The following DNAH10 variants were observed in gnomAD, a reference collection of about 807,000 sequenced individuals.
DNAH10 encodes the protein dynein axonemal heavy chain 10.
DNAH10 carries 348 observed loss-of-function variants against 506.6 expected under a neutral mutation model. The observed-to-expected ratio is 0.69, with a 90% confidence interval of 0.63 to 0.75. The LOEUF (loss-of-function observed/expected upper bound fraction) is 0.75, where lower values mean the gene tolerates loss of function less well. Ranked by LOEUF, DNAH10 falls within the 30% of genes least tolerant of loss-of-function variation. DNAH10 has a pLI of 0.00. For synonymous variants in DNAH10, 2,059 were observed against 2,198.6 expected (o/e 0.94, Z 1.78); for missense variants, 5,179 against 5,787.1 (o/e 0.89, Z 3.41).
At chr12:123,924,457 C>T (rs1415087215) in intron 67 of DNAH10, 25 bp downstream of exon 67, 1 of 1,604,284 alleles carries the variant, frequency 6.2e-7, no homozygotes, top group Non-Finnish European at 8.5e-7. Flanking sequence ...CCTTTCTCCT[C>T]CTCTCCTTCC....
chr12:123,899,168 C>T (rs974599344), intron 56 of DNAH10, among the ~76,000 whole-genome samples: 1 of 152,104 alleles, frequency 6.6e-6, no homozygotes, highest in African/African-American at 2.4e-5. Context: ...TTGGCACCAT[C>T]GACGCGGGAC....
At chr12:123,783,873 G>A (rs1009216569) in intron 7 of DNAH10, 74 bp from the exon 8 acceptor site, 1 of 1,372,536 alleles carries the variant, frequency 7.3e-7, no homozygotes. Flanking sequence ...AAGAACGGAT[G>A]CTGGAGAAAC....
chr12:123,870,604 A>G (rs1951991883), intron 44 of DNAH10, 119 bp downstream of exon 44: 1 of 1,396,668 alleles, frequency 7.2e-7, no homozygotes, highest in Non-Finnish European at 9.5e-7. Context: ...GAGAGCTGGT[A>G]GAGAAGAATT....
chr12:123,934,498 C>T (rs1403653105), intron 77 of DNAH10, 123 bp from the exon 78 acceptor site: 2 of 1,232,654 alleles, frequency 1.6e-6, no homozygotes, highest in Non-Finnish European at 2.3e-6. Flanking sequence ...TGGGCTGTCC[C>T]CAATGCGCTG....
At chr12:123,826,979 T>C in intron 25 of DNAH10, 81 bp downstream of exon 25, 1 of 1,299,648 alleles carries the variant, frequency 7.7e-7, no homozygotes. Context: ...TACATTATCT[T>C]TGGTCTGATG....
Position 123,799,303 on chromosome 12 carries a change from T to C in DNAH10, c.2221T>C (p.Tyr741His). The C allele has an allele frequency of 1.9e-6, 3 of 1,613,812 alleles. No individual in the cohort carries two copies. Among genetic ancestry groups the C allele is most frequent in the Non-Finnish European group, 1.7e-6 (2 of 1,179,866 alleles). ...RTMKEYEDRK[Y>H]EQWMEVTEQV... ...AATGAAGGAGTATGAAGACAGAAAG[T>C]ATGAGCAGTGGATGGAGGTGACGGA... Residue 741 changes from tyrosine (Y) to histidine (H), a missense_variant, in exon 14 of 79, where the codon TAT becomes CAT. This residue lies in a region of DNAH10 where 4,844 missense variants were observed against 5,430.5 expected (regional missense o/e 0.89). Coordinates refer to ENST00000673944, the MANE Select transcript of DNAH10 (RefSeq NM_001372106.1).
chr12:123,917,727 C>A lies in DNAH10; in HGVS notation c.11146C>A (p.Arg3716=). The part of the protein sequence containing the change: ...LLKDLEDSLL[R]ELATSTGNML... Reference sequence around the variant, plus strand: ...CAAGGACCTGGAAGATTCCCTCCTTCGGGAGCTGGCCACGTCCACGGGGAA... The same window carrying A: ...CAAGGACCTGGAAGATTCCCTCCTTAGGGAGCTGGCCACGTCCACGGGGAA... The change falls in exon 64 of 79, where the codon CGG becomes AGG. Residue 3716 remains arginine, a synonymous_variant. Coordinates refer to ENST00000673944, the MANE Select transcript of DNAH10 (RefSeq NM_001372106.1). The surrounding 1 kb of genome is among the most constrained non-coding windows in gnomAD (Gnocchi z 5.6). The A allele has an allele frequency of 6.4e-7, 1 of 1,566,566 alleles. No individual in the cohort carries two copies. Among genetic ancestry groups the A allele is most frequent in the Non-Finnish European group, 8.7e-7 (1 of 1,155,896 alleles).
At chr12:123,854,015 G>A (rs1011597952) in intron 36 of DNAH10, among the ~76,000 whole-genome samples, 4 of 149,374 alleles carry the variant, frequency 2.7e-5, no homozygotes, top group Admixed American at 6.7e-5. Flanking sequence ...TGTGTCCATA[G>A]GAGGAGAGGC....
Position 123,898,720 on chromosome 12 carries a change from G to A in DNAH10, c.9546G>A (p.Leu3182=). Residue 3182 remains leucine, a synonymous_variant, in exon 56 of 79, where the codon CTG becomes CTA. Coordinates refer to ENST00000673944, the MANE Select transcript of DNAH10 (RefSeq NM_001372106.1). Reference sequence around the variant, plus strand: ...AGGCCACCATCCAGCTGGACGAGCTGAACCAGAAGCTGGCCGAGCAGAAGA... The same window carrying A: ...AGGCCACCATCCAGCTGGACGAGCTAAACCAGAAGCTGGCCGAGCAGAAGA... ...LKEATIQLDE[L]NQKLAEQKIV... 6.2e-7 allele frequency: 1 copy of A among 1,607,620 alleles called. No individual in the cohort carries two copies. The highest frequency in any genetic ancestry group is 8.5e-7 in the Non-Finnish European group (1 of 1,177,294).
intron 61 of DNAH10, 36 bp from the exon 62 acceptor site, chr12:123,914,816 G>A (rs1954392941): frequency 1.2e-6 from 2 of 1,606,492 alleles, no homozygotes; most frequent in South Asian, 1.1e-5. Context: ...ACAAATTGGT[G>A]AGAAAAATTC....
intron 39 of DNAH10, among the ~76,000 whole-genome samples, chr12:123,862,887 A>G (rs1446481042): frequency 6.6e-6 from 1 of 152,176 alleles, no homozygotes; most frequent in Non-Finnish European, 1.5e-5. Flanking sequence ...GGAAGGGGGC[A>G]TTTTATCTGC....
At chr12:123,800,848 C>A (rs1364031386) in intron 15 of DNAH10, among the ~76,000 whole-genome samples, 1 of 152,030 alleles carries the variant, frequency 6.6e-6, no homozygotes, top group Non-Finnish European at 1.5e-5. Context: ...GAAACCCCAT[C>A]TCTACTAAAA....
intron 19 of DNAH10, 118 bp downstream of exon 19, chr12:123,809,071 C>A: frequency 1.6e-6 from 2 of 1,220,222 alleles, no homozygotes; most frequent in Non-Finnish European, 2.3e-6. Context: ...TGACCTTCTG[C>A]CTTGTGACTC....
At chr12:123,935,209 T>C in intron 78 of DNAH10, 126 bp from the exon 79 acceptor site, 2 of 1,165,628 alleles carry the variant, frequency 1.7e-6, no homozygotes, top group Non-Finnish European at 2.4e-6. Flanking sequence ...AGCCCCAGCC[T>C]TGTGCGTGTT....
chr12:123,818,787 C>T, intron 21 of DNAH10, among the ~76,000 whole-genome samples, 163 bp from the exon 22 acceptor site: 1 of 152,150 alleles, frequency 6.6e-6, no homozygotes, highest in East Asian at 1.9e-4. Flanking sequence ...CCAGTCTGGC[C>T]ATGTCTGGCC....
chr12:123,855,408 G>A (rs754522476), intron 36 of DNAH10, among the ~76,000 whole-genome samples: 1 of 151,926 alleles, frequency 6.6e-6, no homozygotes, highest in Admixed American at 6.6e-5. Flanking sequence ...ATTGCTTGAG[G>A]CCAGAAGTTT....
At chr12:123,812,857 G>A (rs1958994438) in intron 19 of DNAH10, among the ~76,000 whole-genome samples, 1 of 152,100 alleles carries the variant, frequency 6.6e-6, no homozygotes, top group African/African-American at 2.4e-5. Flanking sequence ...GTGGTTGCAA[G>A]GTTCTGAGAG....
chr12:123,891,404 G>A (rs757250965), intron 52 of DNAH10, among the ~76,000 whole-genome samples: 6 of 152,154 alleles, frequency 3.9e-5, no homozygotes, highest in South Asian at 2.1e-4. Flanking sequence ...AACTTCAACC[G>A]TAATACATAG....
intron 1 of DNAH10, among the ~76,000 whole-genome samples, chr12:123,763,486 G>T (rs1956905118): frequency 6.6e-6 from 1 of 152,128 alleles, no homozygotes; most frequent in Non-Finnish European, 1.5e-5. Context: ...ACTGGGTTCG[G>T]GTGGCAGGGC....
Sources: allele counts gnomAD v4.1 joint callset (sites outside exome capture counted in the v4.1 genomes callset), GRCh38; gene constraint gnomAD v4.1.1; regional missense constraint gnomAD v4.1.1; non-coding constraint Gnocchi (gnomAD v3.1); transcripts MANE v1.5; gene names NCBI Gene and HGNC (gene_info 2026-07-23, HGNC 2026-07-21).